UNC80: variants seen among roughly 807,000 people sequenced by gnomAD.
UNC80 encodes the protein unc-80 subunit of NALCN channel complex.
Under a neutral mutation model 384.6 loss-of-function variants are expected in UNC80, and 164 were observed. That is an observed-to-expected ratio of 0.43 (90% CI 0.38 to 0.49). The LOEUF (loss-of-function observed/expected upper bound fraction) is 0.49. Ranked by LOEUF, UNC80 falls within the 20% of genes least tolerant of loss-of-function variation. UNC80 has a pLI of 0.00. For missense variants in UNC80, 3,330 were observed against 4,143.0 expected, an observed-to-expected ratio of 0.80 and a Z score of 5.39; for synonymous variants, 1,486 against 1,527.8, an observed-to-expected ratio of 0.97 and a Z score of 0.64.
At chr2:209,910,514 C>T (rs1200961072) in intron 29 of UNC80, among the ~76,000 whole-genome samples, 1 of 152,144 alleles carries the variant, frequency 6.6e-6, no homozygotes, top group African/African-American at 2.4e-5. Flanking sequence ...AAACAAGCAC[C>T]CTAAGTGTCA....
chr2:209,931,154 G>A (rs988436126), intron 38 of UNC80, 100 bp downstream of exon 38: 2 of 838,528 alleles, frequency 2.4e-6, no homozygotes, highest in African/African-American at 1.7e-5. Flanking sequence ...CATTACTAAA[G>A]GCAAATCCTG....
chr2:209,931,143 A>G, intron 38 of UNC80, 89 bp downstream of exon 38: 1 of 1,010,506 alleles, frequency 9.9e-7, no homozygotes, highest in East Asian at 2.6e-5. Flanking sequence ...TCCATTAATT[A>G]CATTACTAAA....
At chr2:209,818,509 A>C (rs1032383824) in intron 11 of UNC80, among the ~76,000 whole-genome samples, 1 of 152,080 alleles carries the variant, frequency 6.6e-6, no homozygotes, top group African/African-American at 2.4e-5. Context: ...TCCCTCTTTG[A>C]TCTGCACTGT....
chr2:209,985,186 C>T lies in UNC80; in HGVS notation c.9314+274C>T, dbSNP rs543458984. Among the ~76,000 whole-genome samples the T allele has an allele frequency of 2.9e-4, 44 of 152,298 alleles. No individual in the cohort carries two copies. The South Asian group carries it at 5.2e-3, about 18-fold the overall frequency. ...AGAATTCTTTATGGGGCATTTCCCA[C>T]GGATGTCTAAAAAGTCTGGTATGCC... On this transcript the variant is annotated intron_variant, in intron 61 of 64. Coordinates refer to ENST00000673920, the MANE Select transcript of UNC80 (RefSeq NM_001371986.1).
chr2:209,918,851 A>C lies in UNC80; in HGVS notation c.5343+188A>C, dbSNP rs541604365. On this transcript the variant is annotated intron_variant, in intron 33 of 64. Coordinates refer to ENST00000673920, the MANE Select transcript of UNC80 (RefSeq NM_001371986.1). ...GTAGTGAGTACTTGCAGATCTCAAA[A>C]AAAAAGTCTTGTTTTATAATCAAAG... 2.6e-5 allele frequency among the ~76,000 whole-genome samples: 4 copies of C among 152,324 alleles called. No individual in the cohort carries two copies. In the South Asian group the frequency reaches 8.3e-4, roughly 32 times the overall value.
At chr2:209,819,300 TATTA>T (rs1482472639) in intron 12 of UNC80, 39 bp downstream of exon 12, 18 of 1,510,920 alleles carry the variant, frequency 1.2e-5, no homozygotes, top group Admixed American at 6.6e-5. Flanking sequence ...GTTAGACAGA[TATTA>T]ATTATTTGGT....
intron 13 of UNC80, among the ~76,000 whole-genome samples, chr2:209,823,687 AT>A (rs1380632044): frequency 6.6e-6 from 1 of 151,676 alleles, no homozygotes; most frequent in African/African-American, 2.4e-5. Context: ...TTTTGCTATT[AT>A]TAATAATAAT....
At chr2:209,987,429 A>G (rs1296684919) in intron 61 of UNC80, among the ~76,000 whole-genome samples, 1 of 152,236 alleles carries the variant, frequency 6.6e-6, no homozygotes, top group Non-Finnish European at 1.5e-5. Flanking sequence ...ATCATATTCC[A>G]TGGGAGAATT....
intron 51 of UNC80, among the ~76,000 whole-genome samples, chr2:209,962,758 T>G (rs927380586): frequency 2.6e-5 from 4 of 152,228 alleles, no homozygotes; most frequent in African/African-American, 9.6e-5. Flanking sequence ...TGTTGCTGAT[T>G]AGGGGCAGAT....
intron 43 of UNC80, among the ~76,000 whole-genome samples, chr2:209,939,933 G>A (rs1026023535): frequency 6.6e-6 from 1 of 152,156 alleles, no homozygotes; most frequent in East Asian, 1.9e-4. Flanking sequence ...ACCTGAGTGT[G>A]CACAAGAGAC....
rs968789166 is a variant in UNC80, at chr2:209,998,401, A to G, written c.*2806A>G. ...GTTATTGAGTGTATTAAGACAAGGC[A>G]CTGAGAACTACAGTGTCAAAATCAA... On this transcript the variant is annotated 3_prime_UTR_variant, in exon 65 of 65. Coordinates refer to ENST00000673920, the MANE Select transcript of UNC80 (RefSeq NM_001371986.1). 1.3e-5 allele frequency: 2 copies of G among 152,246 alleles called. No individual in the cohort carries two copies. The highest frequency in any genetic ancestry group is 2.9e-5 in the Non-Finnish European group (2 of 68,048). The allele number at this position is 152,246 out of a possible 1,614,324, so 9.4% of individuals were successfully genotyped here. A position where few individuals can be genotyped will look rare whatever the true frequency, so the allele number is the denominator to read the frequency against.
intron 21 of UNC80, among the ~76,000 whole-genome samples, chr2:209,844,945 T>C (rs967818293): frequency 6.6e-6 from 1 of 151,882 alleles, no homozygotes; most frequent in African/African-American, 2.4e-5. Flanking sequence ...TGCTGCGAAC[T>C]GAATGTGTAT....
chr2:209,858,032 C>T (rs1464823792), intron 22 of UNC80, among the ~76,000 whole-genome samples: 1 of 152,154 alleles, frequency 6.6e-6, no homozygotes, highest in Non-Finnish European at 1.5e-5. Flanking sequence ...CGATCAAACT[C>T]ATTAATTGGG....
intron 4 of UNC80, among the ~76,000 whole-genome samples, chr2:209,779,516 T>C (rs1255228025): frequency 6.6e-6 from 1 of 152,198 alleles, no homozygotes; most frequent in Non-Finnish European, 1.5e-5. Flanking sequence ...GTACCTGGAA[T>C]TATTTATGCA....
chr2:209,976,211 G>A lies in UNC80; in HGVS notation c.8680G>A (p.Val2894Met). The change falls in exon 57 of 65, where the codon GTG becomes ATG. Residue 2894 changes from valine (V) to methionine (M), a missense_variant. By Grantham distance (21) the Val-to-Met change is conservative. Transcript: ENST00000673920. This position sits in a 1 kb window ranked among gnomAD's most constrained non-coding sequence, Gnocchi z 4.3. ...GGTGAAGGAGATGGCTCTGCGGAAG[G>A]TGGGAGGCCTGGCCCTTTGGGATTT... ...LQVKEMALRK[V>M]GGLALWDFLD... is the part of the protein sequence containing the mutation. 1 of 1,551,726 alleles carries A rather than the reference G, an allele frequency of 6.4e-7. No individual in the cohort carries two copies. The highest frequency in any genetic ancestry group is 1.2e-5 in the South Asian group (1 of 84,062).
In UNC80 at chr2:209,978,632, C is replaced by A. The variant is rs961943990; in HGVS notation, c.9042C>A (p.Val3014=). ...GCTCTAACACGGGCACGGGCACTGTCTGGGAGCAGGACAGTGAGCCATCCC... is the reference window on the plus strand; with the variant it reads ...GCTCTAACACGGGCACGGGCACTGTATGGGAGCAGGACAGTGAGCCATCCC... The part of the protein sequence containing the change: ...MSRSNTGTGT[V]WEQDSEPSQQ... The change falls in exon 59 of 65, where the codon GTC becomes GTA. Residue 3014 remains valine (V), a synonymous_variant. Coordinates refer to ENST00000673920, the MANE Select transcript of UNC80 (RefSeq NM_001371986.1). The A allele has an allele frequency of 1.1e-5, 17 of 1,551,428 alleles. No individual in the cohort carries two copies. The highest frequency in any genetic ancestry group is 1.5e-5 in the Non-Finnish European group (17 of 1,146,868).
Position 209,995,674 on chromosome 2 carries a change from GA to G in UNC80, c.*84del. 1 of 1,467,216 alleles carries G rather than the reference GA, an allele frequency of 6.8e-7. No individual in the cohort carries two copies. The allele number at this position is 1,467,216 out of a possible 1,614,324, so 90.9% of individuals were successfully genotyped here. ...TACTACAAGTTCAATACTTTTGCTTGAAAAAGATTAATTACAAAATAGCACT... is the reference window on the plus strand; with the variant it reads ...TACTACAAGTTCAATACTTTTGCTTGAAAAGATTAATTACAAAATAGCACT... On this transcript the variant is annotated 3_prime_UTR_variant, in exon 65 of 65. Transcript: ENST00000673920.
At chr2:209,937,848 T>C (rs896874668) in intron 42 of UNC80, among the ~76,000 whole-genome samples, 5 of 152,208 alleles carry the variant, frequency 3.3e-5, no homozygotes, top group Non-Finnish European at 7.3e-5. Flanking sequence ...TGGAGTAGTG[T>C]AATGATGAAT....
rs981874506 is a variant in UNC80 at position 209,888,128 on chromosome 2, G to A, written c.4144G>A (p.Glu1382Lys). 5.2e-6 allele frequency: 8 copies of A among 1,551,682 alleles called. No homozygotes were observed. Among genetic ancestry groups the A allele is most frequent in the South Asian group, 1.2e-5 (1 of 84,062 alleles). ...LESCRLRLDP[E>K]LDRHRYERKI... ...GAGCTGCAGACTTCGTTTGGATCCC[G>A]AGTTGGACCGGCACAGATATGAGAG... The change falls in exon 26 of 65, where the codon GAG becomes AAG. Residue 1382 changes from glutamate (E) to lysine (K), a missense_variant. This residue lies in a region of UNC80 where 801 missense variants were observed against 950.8 expected (regional missense o/e 0.84). Transcript: ENST00000673920.
Sources: gnomAD v4.1 joint callset for allele counts (sites outside exome capture counted in the v4.1 genomes callset) on GRCh38, gnomAD v4.1.1 for gene constraint, gnomAD v4.1.1 regional missense constraint, Gnocchi (gnomAD v3.1) non-coding constraint, MANE v1.5 for transcripts, NCBI Gene and HGNC (gene_info 2026-07-23, HGNC 2026-07-21) for gene names.